Variants in OXR1 observed in about 807,000 individuals in gnomAD.
OXR1 encodes oxidation resistance protein 1.
OXR1 carries 41 observed loss-of-function variants against 104.6 expected under a neutral mutation model. The ratio of observed to expected loss-of-function variants is 0.39; its 90% CI spans 0.31 to 0.51. The LOEUF (loss-of-function observed/expected upper bound fraction) is 0.51. OXR1 is among the 20% of genes least tolerant of loss of function. The probability of loss-of-function intolerance (pLI) is 0.77; values close to 1 mark genes in which losing one functional copy is unlikely to be tolerated. For synonymous variants in OXR1, 348 were observed against 348.4 expected, an observed-to-expected ratio of 1.00 and a Z score of 0.01; for missense variants, 955 against 1,031.9, an observed-to-expected ratio of 0.93 and a Z score of 1.02.
chr8:106,300,192 A>T (rs1404434817), intron 1 of OXR1, among the ~76,000 whole-genome samples: 1 of 152,138 alleles, frequency 6.6e-6, no homozygotes, highest in Admixed American at 6.5e-5. Flanking sequence ...AATCTTCCTG[A>T]ACTTCTGAGT....
chr8:106,564,068 A>G (rs1441590287), intron 3 of OXR1, among the ~76,000 whole-genome samples: 2 of 152,190 alleles, frequency 1.3e-5, no homozygotes, highest in Admixed American at 1.3e-4. Flanking sequence ...CTAAGATCAC[A>G]ATTAAAAAAC....
At chr8:106,394,555 T>C (rs1378219844) in intron 2 of OXR1, among the ~76,000 whole-genome samples, 1 of 152,102 alleles carries the variant, frequency 6.6e-6, no homozygotes, top group Non-Finnish European at 1.5e-5. Context: ...GGTAAGTGGA[T>C]AAACTGATAT....
chr8:106,476,674 C>T (rs142154463), intron 2 of OXR1, among the ~76,000 whole-genome samples: 2,906 of 151,998 alleles, frequency 0.019, 78 homozygotes, highest in South Asian at 0.081. Context: ...TTCTTAATGG[C>T]GTCTGGGAAC....
At chr8:106,721,928 T>A (rs1832856921) in intron 11 of OXR1, among the ~76,000 whole-genome samples, 3 of 152,192 alleles carry the variant, frequency 2.0e-5, no homozygotes, top group Admixed American at 6.6e-5. Flanking sequence ...GTGGAGCCAG[T>A]TCTGTTTTCA....
chr8:106,363,486 G>A (rs1165917653), intron 2 of OXR1, among the ~76,000 whole-genome samples: 1 of 150,616 alleles, frequency 6.6e-6, no homozygotes, highest in African/African-American at 2.4e-5. Flanking sequence ...AACTAAAAAT[G>A]ACCTAAATCT....
At chr8:106,540,831 C>T (rs758542067) in intron 3 of OXR1, among the ~76,000 whole-genome samples, 1 of 152,160 alleles carries the variant, frequency 6.6e-6, no homozygotes, top group Non-Finnish European at 1.5e-5. Context: ...CATCAGATCT[C>T]GTGAGACTCA....
chr8:106,698,910 G>T (rs1450883117), intron 7 of OXR1, among the ~76,000 whole-genome samples: 5 of 151,624 alleles, frequency 3.3e-5, no homozygotes, highest in Non-Finnish European at 5.9e-5. Flanking sequence ...GGTAATTTTT[G>T]ATTGGCTACC....
chr8:106,340,056 TA>T (rs1815176738), intron 1 of OXR1, among the ~76,000 whole-genome samples: 1 of 152,138 alleles, frequency 6.6e-6, no homozygotes, highest in African/African-American at 2.4e-5. Context: ...AGAATTTTTA[TA>T]AGCTTCCAGC....
chr8:106,299,762 T>C (rs1357579414), intron 1 of OXR1, among the ~76,000 whole-genome samples: 1 of 152,236 alleles, frequency 6.6e-6, no homozygotes, highest in Non-Finnish European at 1.5e-5. Flanking sequence ...TGCTTGACTA[T>C]ATGTTGATCT....
At chr8:106,692,630 C>A in intron 6 of OXR1, 98 bp from the exon 7 acceptor site, 1 of 630,894 alleles carries the variant, frequency 1.6e-6, no homozygotes, top group Non-Finnish European at 2.5e-6. Flanking sequence ...TGAAACAACA[C>A]TTATTGGGGA....
At chr8:106,360,977 C>T (rs1275821261) in intron 2 of OXR1, among the ~76,000 whole-genome samples, 1 of 152,124 alleles carries the variant, frequency 6.6e-6, no homozygotes, top group Non-Finnish European at 1.5e-5. Flanking sequence ...GTGTGCAGTG[C>T]AGCCTGGTTC....
At position 106,582,409 on chromosome 8, in the gene OXR1, G is replaced by A. The variant is rs531493944; in HGVS notation, c.220+63270G>A. Among the ~76,000 whole-genome samples, 41 of 151,846 alleles carry A rather than the reference G, an allele frequency of 2.7e-4. No homozygotes were observed. In the South Asian group the frequency reaches 8.1e-3, roughly 30 times the overall value. ...AAAATAGCAAACCTGGGGACAACAA[G>A]GTTTTTCTTCCCATATTCTCTATGC... is the stretch of plus-strand genomic sequence containing the variant. On this transcript the variant is annotated intron_variant, in intron 3 of 16. Coordinates refer to ENST00000517566, the MANE Select transcript of OXR1 (RefSeq NM_001198533.2).
intron 2 of OXR1, among the ~76,000 whole-genome samples, chr8:106,371,649 G>C (rs1284331590): frequency 2.0e-5 from 3 of 152,146 alleles, no homozygotes; most frequent in Admixed American, 2.0e-4. Context: ...ATTTCATTAT[G>C]TACCCAGGGG....
intron 11 of OXR1, among the ~76,000 whole-genome samples, chr8:106,715,912 T>A (rs1019757918): frequency 1.2e-4 from 18 of 152,134 alleles, no homozygotes; most frequent in African/African-American, 1.9e-4. Flanking sequence ...AAAAAAATAA[T>A]TTTGGAAACT....
intron 2 of OXR1, among the ~76,000 whole-genome samples, chr8:106,438,028 T>A (rs1244752294): frequency 6.6e-6 from 1 of 152,172 alleles, no homozygotes; most frequent in Non-Finnish European, 1.5e-5. Context: ...GCATATTTGA[T>A]GTGTGATGTG....
chr8:106,704,400 T>C (rs1225891802), intron 8 of OXR1, among the ~76,000 whole-genome samples: 1 of 49,126 alleles, frequency 2.0e-5, no homozygotes, highest in African/African-American at 6.1e-5. Flanking sequence ...CTTCTTTTTT[T>C]TTTTTTTTTT....
intron 16 of OXR1, among the ~76,000 whole-genome samples, chr8:106,747,909 G>A (rs1226747091): frequency 6.6e-6 from 1 of 152,160 alleles, no homozygotes; most frequent in African/African-American, 2.4e-5. Context: ...CTACTTAGAT[G>A]CAGTCATCTG....
Position 106,707,038 on chromosome 8 carries a change from G to A in OXR1, c.1517G>A (p.Trp506Ter). ...GAGGCAGAAGAGCTACGCAAACTTT[G>A]GAAAACCCATACTATGCAACAAACT... ...QTEAEELRKL[W>*]KTHTMQQTKQ... Residue 506 changes from tryptophan to a stop codon, truncating the protein, a stop_gained, in exon 9 of 17, where the codon TGG becomes TAG. Coordinates refer to ENST00000517566, the MANE Select transcript of OXR1 (RefSeq NM_001198533.2). LOFTEE classifies it high-confidence loss of function. 2 of 1,613,902 alleles carry A rather than the reference G, an allele frequency of 1.2e-6. No individual in the cohort carries two copies. Among genetic ancestry groups the A allele is most frequent in the Non-Finnish European group, 1.7e-6 (2 of 1,179,950 alleles).
chr8:106,554,232 G>T (rs1440182341), intron 3 of OXR1, among the ~76,000 whole-genome samples: 1 of 152,228 alleles, frequency 6.6e-6, no homozygotes, highest in Non-Finnish European at 1.5e-5. Flanking sequence ...CGTGGCTTCT[G>T]CAGTATCCTT....
Sources: gnomAD v4.1 joint callset for allele counts (sites outside exome capture counted in the v4.1 genomes callset) on GRCh38, gnomAD v4.1.1 for gene constraint, MANE v1.5 for transcripts, NCBI Gene and HGNC (gene_info 2026-07-23, HGNC 2026-07-21) for gene names.